RASEF: variants seen among roughly 807,000 people sequenced by gnomAD.
RASEF encodes ras and EF-hand domain-containing protein.
In RASEF, 68 loss-of-function variants were observed where a neutral mutation model predicts 90.1. The ratio of observed to expected loss-of-function variants is 0.75; its 90% CI spans 0.62 to 0.92. RASEF has a LOEUF of 0.92. Among genes scored for constraint, RASEF ranks in the 40% least tolerant of loss-of-function variants. The probability of loss-of-function intolerance (pLI) is 0.00; values close to 1 mark genes in which losing one functional copy is unlikely to be tolerated. For missense variants in RASEF, 949 were observed against 937.2 expected (o/e 1.01, Z -0.16); for synonymous variants, 331 against 345.2 (o/e 0.96, Z 0.46).
chr9:83,011,017 A>T (rs569030612), intron 5 of RASEF, among the ~76,000 whole-genome samples: 1 of 152,326 alleles, frequency 6.6e-6, no homozygotes, highest in East Asian at 1.9e-4. Flanking sequence ...CTATTTATCT[A>T]AACAAACTTA....
chr9:83,089,405 T>C, the RASEF span, among the ~76,000 whole-genome samples: 1 of 152,144 alleles, frequency 6.6e-6, no homozygotes, highest in Non-Finnish European at 1.5e-5. Context: ...TTGATTCACA[T>C]TACTATCTAA....
Position 83,007,490 on chromosome 9 carries a change from G to C in RASEF, c.975C>G (p.Ile325Met). The part of the protein sequence containing the change: ...SLNTERDLEI[I>M]RAYTEDRNSL... The stretch of plus-strand genomic sequence containing the variant: ...TATTTCGATCTTCTGTGTATGCTCG[G>C]ATTATTTCCAGATCCCTGTAAAATT... The change falls in exon 7 of 17, where the codon ATC becomes ATG. Residue 325 changes from isoleucine to methionine, a missense_variant. Transcript: ENST00000376447. 1 of 1,612,760 alleles carries C rather than the reference G, an allele frequency of 6.2e-7. No individual in the cohort carries two copies. The highest frequency in any genetic ancestry group is 8.5e-7 in the Non-Finnish European group (1 of 1,178,834).
the RASEF span, among the ~76,000 whole-genome samples, chr9:83,203,691 G>T: frequency 6.6e-6 from 1 of 152,098 alleles, no homozygotes; most frequent in Non-Finnish European, 1.5e-5. Context: ...CTCTCTTGGG[G>T]TCCTAAATTT....
chr9:83,130,764 C>G, the RASEF span, among the ~76,000 whole-genome samples: 9 of 152,200 alleles, frequency 5.9e-5, no homozygotes, highest in African/African-American at 2.2e-4. Context: ...ATACCCAACC[C>G]AGACAGCTTA....
the RASEF span, among the ~76,000 whole-genome samples, chr9:83,118,174 A>T: frequency 6.6e-6 from 1 of 152,174 alleles, no homozygotes; most frequent in Non-Finnish European, 1.5e-5. Context: ...GAAGTTTAAC[A>T]TTATTACCTG....
the RASEF span, among the ~76,000 whole-genome samples, chr9:83,151,429 T>C: frequency 1.3e-5 from 2 of 152,248 alleles, no homozygotes; most frequent in South Asian, 4.2e-4. Flanking sequence ...GCTTTCTAGA[T>C]GGGCCAGCAG....
chr9:83,028,353 C>T (rs1025722979), intron 1 of RASEF, among the ~76,000 whole-genome samples: 2 of 152,180 alleles, frequency 1.3e-5, no homozygotes, highest in Non-Finnish European at 1.5e-5. Context: ...TCCAGGTGCT[C>T]GTCTAGTTTT....
the RASEF span, among the ~76,000 whole-genome samples, chr9:83,106,525 C>A: frequency 1.3e-5 from 2 of 152,150 alleles, no homozygotes; most frequent in Non-Finnish European, 2.9e-5. Context: ...CAAGTCCTCC[C>A]ACCATCCTGG....
the RASEF span, among the ~76,000 whole-genome samples, chr9:83,111,086 G>A: frequency 3.3e-5 from 5 of 152,152 alleles, no homozygotes; most frequent in Non-Finnish European, 5.9e-5. Context: ...AGAAATAACA[G>A]TATTGAAGTA....
intron 2 of RASEF, among the ~76,000 whole-genome samples, chr9:83,024,374 G>A (rs906011262): frequency 2.6e-5 from 4 of 152,120 alleles, no homozygotes; most frequent in African/African-American, 9.7e-5. Flanking sequence ...CTTTAGATGG[G>A]GGGCATGTGT....
At chr9:83,008,007 C>T (rs1453764294) in intron 6 of RASEF, among the ~76,000 whole-genome samples, 1 of 152,088 alleles carries the variant, frequency 6.6e-6, no homozygotes, top group African/African-American at 2.4e-5. Context: ...GCTCTCCCTC[C>T]TCTCCTTACC....
intron 1 of RASEF, among the ~76,000 whole-genome samples, chr9:83,043,023 T>TA (rs1829867939): frequency 6.6e-6 from 1 of 152,184 alleles, no homozygotes; most frequent in African/African-American, 2.4e-5. Flanking sequence ...GGGATAAAGC[T>TA]AGACTTCATA....
At chr9:83,085,255 A>G in the RASEF span, among the ~76,000 whole-genome samples, 3 of 152,360 alleles carry the variant, frequency 2.0e-5, no homozygotes, top group South Asian at 6.2e-4. Flanking sequence ...TTAATTCTGT[A>G]TAAATTCAGT....
chr9:83,146,837 A>T, the RASEF span, among the ~76,000 whole-genome samples: 10 of 152,092 alleles, frequency 6.6e-5, no homozygotes, highest in Admixed American at 2.0e-4. Context: ...CAGAGCCCCC[A>T]GCAACTGGAT....
At chr9:82,991,256 A>G (rs527643364) in intron 15 of RASEF, among the ~76,000 whole-genome samples, 11 of 152,188 alleles carry the variant, frequency 7.2e-5, no homozygotes, top group African/African-American at 2.6e-4. Context: ...TCTGACACCT[A>G]CCTACTTTTG....
chr9:83,037,810 G>A (rs186446486), intron 1 of RASEF, among the ~76,000 whole-genome samples: 32 of 132,680 alleles, frequency 2.4e-4, no homozygotes, highest in African/African-American at 8.4e-4. Context: ...AAAATCAGTT[G>A]GAAAACTTTA....
the RASEF span, among the ~76,000 whole-genome samples, chr9:83,117,796 G>C: frequency 3.6e-4 from 55 of 152,136 alleles, no homozygotes; most frequent in Non-Finnish European, 6.3e-4. Context: ...TAAATGCATG[G>C]TATTAACTTT....
chr9:83,089,949 T>C, the RASEF span, among the ~76,000 whole-genome samples: 1 of 150,020 alleles, frequency 6.7e-6, no homozygotes, highest in Non-Finnish European at 1.5e-5. Context: ...TAGATAGATA[T>C]AGATATATAG....
the RASEF span, among the ~76,000 whole-genome samples, chr9:83,077,847 G>A: frequency 6.6e-6 from 1 of 152,184 alleles, no homozygotes; most frequent in East Asian, 1.9e-4. Context: ...TAACCAGGTA[G>A]GAGGGAACAG....
Sources: allele counts gnomAD v4.1 joint callset (sites outside exome capture counted in the v4.1 genomes callset), GRCh38; gene constraint gnomAD v4.1.1; transcripts MANE v1.5; gene names NCBI Gene and HGNC (gene_info 2026-07-23, HGNC 2026-07-21).